Variants in CACNB2 observed in about 807,000 individuals in gnomAD.
CACNB2 encodes voltage-dependent L-type calcium channel subunit beta-2.
A neutral mutation model predicts 73.3 loss-of-function variants in CACNB2; 42 were observed. The observed-to-expected ratio is 0.57, with a 90% CI of 0.45 to 0.74. The LOEUF (loss-of-function observed/expected upper bound fraction) is 0.74. CACNB2 is among the 30% of genes least tolerant of loss of function. CACNB2 has a pLI of 0.00. For synonymous variants in CACNB2, 348 were observed against 310.3 expected, an observed-to-expected ratio of 1.12 and a Z score of -1.28; for missense variants, 940 against 853.0, an observed-to-expected ratio of 1.10 and a Z score of -1.27.
At chr10:18,342,551 T>C (rs531125363) in intron 2 of CACNB2, among the ~76,000 whole-genome samples, 1 of 152,304 alleles carries the variant, frequency 6.6e-6, no homozygotes, top group East Asian at 1.9e-4. Flanking sequence ...CACAGGGATG[T>C]TTAGTCTTTT....
chr10:18,340,538 C>A, intron 2 of CACNB2: 1 of 297,376 alleles, frequency 3.4e-6, no homozygotes, highest in Non-Finnish European at 5.9e-6. Context: ...TCGAGCAGGG[C>A]TGGAGTCCTG....
chr10:18,271,880 C>T (rs1236235707), intron 2 of CACNB2, among the ~76,000 whole-genome samples: 1 of 151,982 alleles, frequency 6.6e-6, no homozygotes, highest in Non-Finnish European at 1.5e-5. Context: ...TTGTGATGAG[C>T]AGGTCACCAT....
intron 4 of CACNB2, among the ~76,000 whole-genome samples, chr10:18,499,531 C>T (rs549078825): frequency 6.7e-6 from 1 of 148,968 alleles, no homozygotes; most frequent in Non-Finnish European, 1.5e-5. Flanking sequence ...AGAAGAATAG[C>T]TTGAACCAGC....
At chr10:18,405,784 G>A (rs900842828) in intron 3 of CACNB2, among the ~76,000 whole-genome samples, 33 of 151,960 alleles carry the variant, frequency 2.2e-4, no homozygotes, top group African/African-American at 7.0e-4. Flanking sequence ...ATGGTGAAAC[G>A]CTGTCTCTAC....
At chr10:18,228,026 C>G (rs1196274584) in intron 2 of CACNB2, among the ~76,000 whole-genome samples, 1 of 152,182 alleles carries the variant, frequency 6.6e-6, no homozygotes, top group Admixed American at 6.5e-5. Context: ...TTTTTACATT[C>G]TTTCAGGGTA....
At chr10:18,234,879 C>CA in intron 2 of CACNB2, among the ~76,000 whole-genome samples, 1 of 152,304 alleles carries the variant, frequency 6.6e-6, no homozygotes, top group East Asian at 1.9e-4. Flanking sequence ...CGCGGTGACT[C>CA]ACGCCTGTAA....
chr10:18,290,770 G>C (rs1480313132), intron 2 of CACNB2, among the ~76,000 whole-genome samples: 1 of 152,180 alleles, frequency 6.6e-6, no homozygotes, highest in Non-Finnish European at 1.5e-5. Flanking sequence ...TTGCTGAGGG[G>C]GAAGGCAGAG....
At chr10:18,386,365 T>C (rs922574056) in intron 2 of CACNB2, among the ~76,000 whole-genome samples, 5 of 151,830 alleles carry the variant, frequency 3.3e-5, no homozygotes, top group Admixed American at 1.3e-4. Context: ...ATCATCAGTA[T>C]ATGAGCAACT....
At chr10:18,193,953 T>G (rs575868179) in intron 2 of CACNB2, among the ~76,000 whole-genome samples, 4 of 152,152 alleles carry the variant, frequency 2.6e-5, no homozygotes, top group Admixed American at 2.6e-4. Flanking sequence ...AGGTGATAAG[T>G]GCTACAGAAA....
At chr10:18,241,547 A>T (rs997784514) in intron 2 of CACNB2, among the ~76,000 whole-genome samples, 1 of 152,052 alleles carries the variant, frequency 6.6e-6, no homozygotes, top group African/African-American at 2.4e-5. Context: ...AGAAACCTGC[A>T]TGTTATGTAC....
intron 1 of CACNB2, among the ~76,000 whole-genome samples, chr10:18,141,539 C>T (rs898831828): frequency 1.3e-5 from 2 of 152,216 alleles, no homozygotes; most frequent in African/African-American, 4.8e-5. Flanking sequence ...AAATGTTAGC[C>T]ATTTCAGGGA....
At chr10:18,161,642 T>A (rs990622638) in intron 2 of CACNB2, among the ~76,000 whole-genome samples, 4 of 149,214 alleles carry the variant, frequency 2.7e-5, no homozygotes, top group Admixed American at 6.7e-5. Flanking sequence ...TTTTTTTTTT[T>A]ATAACAACTG....
rs71402161 is a variant in CACNB2, at chr10:18,408,231, CTTTTTT to C, written c.333+6208_333+6213del. Among the ~76,000 whole-genome samples, 234 of 78,004 alleles carry C rather than the reference CTTTTTT, an allele frequency of 3.0e-3. 1 individual carries two copies. Among genetic ancestry groups the C allele is most frequent in the African/African-American group, 0.012 (223 of 19,204 alleles). 51.2% of individuals were successfully genotyped at this position (78,004 alleles called of 152,430 possible). A position where few individuals can be genotyped will look rare whatever the true frequency, so the allele number is the denominator to read the frequency against. On this transcript the variant is annotated intron_variant, in intron 3 of 13. Coordinates refer to ENST00000324631, the MANE Select transcript of CACNB2 (RefSeq NM_201596.3). ...TTAAGGAAACATTCACTATCCCTGACTTTTTTTTTTTTTTTTTTTTTTTTTGAGATG... is the reference window on the plus strand; with the variant it reads ...TTAAGGAAACATTCACTATCCCTGACTTTTTTTTTTTTTTTTTTTGAGATG...
intron 3 of CACNB2, among the ~76,000 whole-genome samples, chr10:18,460,947 G>C (rs1418814986): frequency 1.3e-5 from 2 of 148,858 alleles, no homozygotes; most frequent in Non-Finnish European, 3.0e-5. Context: ...TTTCTTTTTT[G>C]AGACCGAGTT....
chr10:18,246,612 ACT>A (rs1366874171), intron 2 of CACNB2, among the ~76,000 whole-genome samples: 1 of 151,748 alleles, frequency 6.6e-6, no homozygotes, highest in Non-Finnish European at 1.5e-5. Flanking sequence ...TCAGGGTCTC[ACT>A]CTGTCATACA....
chr10:18,404,583 C>G (rs754372509), intron 3 of CACNB2, among the ~76,000 whole-genome samples: 20 of 152,176 alleles, frequency 1.3e-4, no homozygotes, highest in Non-Finnish European at 2.4e-4. Context: ...ATCTCTCAAA[C>G]AGAAAGACTC....
intron 6 of CACNB2, among the ~76,000 whole-genome samples, chr10:18,514,020 GCAAA>G (rs765199285): frequency 1.3e-5 from 2 of 152,266 alleles, no homozygotes; most frequent in South Asian, 2.1e-4. Context: ...ATTCATTCAA[GCAAA>G]CAGATTATAA....
At chr10:18,493,445 C>G (rs577412064) in intron 3 of CACNB2, among the ~76,000 whole-genome samples, 1 of 152,116 alleles carries the variant, frequency 6.6e-6, no homozygotes, top group African/African-American at 2.4e-5. Context: ...GCATTACAGG[C>G]GTAAACCACT....
At chr10:18,289,710 A>G (rs2038980227) in intron 2 of CACNB2, among the ~76,000 whole-genome samples, 1 of 152,136 alleles carries the variant, frequency 6.6e-6, no homozygotes, top group Admixed American at 6.5e-5. Flanking sequence ...GATGGCACAG[A>G]GTTATCAGTG....
Sources: allele counts gnomAD v4.1 joint callset (sites outside exome capture counted in the v4.1 genomes callset), GRCh38; gene constraint gnomAD v4.1.1; transcripts MANE v1.5; gene names NCBI Gene and HGNC (gene_info 2026-07-23, HGNC 2026-07-21).